Variants in GORAB observed in about 807,000 individuals in gnomAD.
The protein encoded by GORAB is golgin, RAB6 interacting.
A neutral mutation model predicts 29.9 loss-of-function variants in GORAB; 17 were observed. That is an observed-to-expected ratio of 0.57 (90% CI 0.39 to 0.85). The LOEUF (loss-of-function observed/expected upper bound fraction) is 0.85. Ranked by LOEUF, GORAB falls within the 40% of genes least tolerant of loss-of-function variation. The pLI is 0.00. For missense variants in GORAB, 442 were observed against 437.8 expected (o/e 1.01, Z -0.09); for synonymous variants, 183 against 157.2 (o/e 1.16, Z -1.23).
In GORAB at chr1:170,553,589, T is replaced by G. The variant is rs542501839; in HGVS notation, c.*1127T>G. On this transcript the variant is annotated 3_prime_UTR_variant, in exon 5 of 5. Coordinates refer to ENST00000367763, the MANE Select transcript of GORAB (RefSeq NM_152281.3). The stretch of plus-strand genomic sequence containing the variant: ...ATAAGATTGTATCCATAAAAGTTTC[T>G]GAAAAACTTAGGGACATCCTGTTTT... 6.4e-4 allele frequency: 288 copies of G among 451,598 alleles called. No individual in the cohort carries two copies. Among genetic ancestry groups the G allele is most frequent in the African/African-American group, 5.5e-3 (275 of 50,030 alleles). The allele number at this position is 451,598 out of a possible 1,614,324, so 28.0% of individuals were successfully genotyped here.
Position 170,532,219 on chromosome 1 carries a change from G to A in GORAB, c.-5G>A. ...CACTTTTGGGGGTGCCGGTGGCCCGGGCCGATGGCGCAAGGTTGGGCAGGA... is the reference window on the plus strand; with the variant it reads ...CACTTTTGGGGGTGCCGGTGGCCCGAGCCGATGGCGCAAGGTTGGGCAGGA... On this transcript the variant is annotated 5_prime_UTR_variant, in exon 1 of 5. Transcript: ENST00000367763. The A allele has an allele frequency of 6.2e-7, 1 of 1,614,048 alleles. No individual in the cohort carries two copies.
chr1:170,553,085 T>C lies in GORAB; in HGVS notation c.*623T>C. ...AGTGATTTTAGTTTACAACCTGCGT[T>C]TTGTTATTTGAAACACACACACTTA... On this transcript the variant is annotated 3_prime_UTR_variant, in exon 5 of 5. Transcript: ENST00000367763. 2.2e-6 allele frequency: 1 copy of C among 453,676 alleles called. No individual in the cohort carries two copies. The highest frequency in any genetic ancestry group is 6.9e-4 in the Middle Eastern group (1 of 1,444). The allele number at this position is 453,676 out of a possible 1,614,324, so 28.1% of individuals were successfully genotyped here.
intron 1 of GORAB, 95 bp downstream of exon 1, chr1:170,532,379 T>C: frequency 7.3e-7 from 1 of 1,368,370 alleles, no homozygotes; most frequent in Non-Finnish European, 1.0e-6. Flanking sequence ...TGGAAGCGGC[T>C]ACGTTTGTGT....
intron 3 of GORAB, among the ~76,000 whole-genome samples, chr1:170,544,040 T>C (rs986274150): frequency 6.6e-6 from 1 of 152,244 alleles, no homozygotes; most frequent in African/African-American, 2.4e-5. Context: ...GTTGCTTTTT[T>C]ATTTGTTTGT....
chr1:170,551,442 T>C (rs1650095713), intron 4 of GORAB, among the ~76,000 whole-genome samples: 2 of 152,240 alleles, frequency 1.3e-5, no homozygotes, highest in Non-Finnish European at 2.9e-5. Flanking sequence ...ACTGTCCGTA[T>C]CTTTCTCCAT....
At position 170,539,622 on chromosome 1, in the gene GORAB, C is replaced by G. The variant is rs527354116; in HGVS notation, c.419+55C>G. 133 of 1,562,232 alleles carry G rather than the reference C, an allele frequency of 8.5e-5. No homozygotes were observed. In the African/African-American group the frequency reaches 1.6e-3, roughly 19 times the overall value. ...GACTTTTCATTTAACCCGTTTTTTC[C>G]CAATGGGCTTTAAGGAAATATAATT... On this transcript the variant is annotated intron_variant, in intron 2 of 4. Transcript: ENST00000367763.
At position 170,539,526 on chromosome 1, in the gene GORAB, T is replaced by A. The variant is rs545064167; in HGVS notation, c.378T>A (p.Pro126=). ...GTCACAACAATGTTGAGATTCTACC[T>A]CCAAAGCCAGATTGCAAATTGGAGA... ...HDGHNNVEIL[P]PKPDCKLEKK... Residue 126 remains proline (P), a synonymous_variant, in exon 2 of 5, where the codon CCT becomes CCA. Transcript: ENST00000367763. 6.2e-7 allele frequency: 1 copy of A among 1,613,974 alleles called. No individual in the cohort carries two copies. The highest frequency in any genetic ancestry group is 1.1e-5 in the South Asian group (1 of 91,064).
chr1:170,542,694 T>C (rs943687795), intron 3 of GORAB, 102 bp downstream of exon 3: 11 of 819,480 alleles, frequency 1.3e-5, no homozygotes, highest in South Asian at 9.7e-5. Flanking sequence ...TGATATTTTT[T>C]CTTCAACCAT....
intron 1 of GORAB, among the ~76,000 whole-genome samples, chr1:170,537,218 T>G (rs1255302598): frequency 6.6e-6 from 1 of 152,224 alleles, no homozygotes. Context: ...ATTGTGTTAT[T>G]TGCTAAGCCA....
chr1:170,532,725 T>G (rs1445999262), intron 1 of GORAB: 2 of 186,020 alleles, frequency 1.1e-5, no homozygotes, highest in African/African-American at 4.7e-5. Flanking sequence ...AGCACAGGCG[T>G]CTGAATAAAG....
intron 1 of GORAB, 64 bp from the exon 2 acceptor site, chr1:170,539,146 T>C (rs902247084): frequency 6.3e-7 from 1 of 1,583,342 alleles, no homozygotes; most frequent in African/African-American, 1.3e-5. Context: ...TTTTATTTTC[T>C]TAGAGGAATT....
intron 2 of GORAB, among the ~76,000 whole-genome samples, chr1:170,541,060 T>G (rs1649383672): frequency 6.6e-6 from 1 of 151,818 alleles, no homozygotes; most frequent in African/African-American, 2.4e-5. Flanking sequence ...AAAAATTAGC[T>G]GGGCGTGGTG....
intron 3 of GORAB, among the ~76,000 whole-genome samples, chr1:170,544,136 G>GT (rs1310192713): frequency 6.6e-6 from 1 of 152,128 alleles, no homozygotes; most frequent in Non-Finnish European, 1.5e-5. Context: ...GAAAATGAGT[G>GT]TTTTGATGTT....
At position 170,553,795 on chromosome 1, in the gene GORAB, AACAC is replaced by A. The variant is rs1442872109; in HGVS notation, c.*1336_*1339del. ...ATAAAAGCCAACAGTTTCATTGTCT[AACAC>A]ACTTCTTTTTCTAAGGAATAAACAA... is the stretch of plus-strand genomic sequence containing the variant. On this transcript the variant is annotated 3_prime_UTR_variant, in exon 5 of 5. Coordinates refer to ENST00000367763, the MANE Select transcript of GORAB (RefSeq NM_152281.3). 2.2e-6 allele frequency: 1 copy of A among 453,456 alleles called. No individual in the cohort carries two copies. The highest frequency in any genetic ancestry group is 4.4e-6 in the Non-Finnish European group (1 of 226,630). 28.1% of individuals were successfully genotyped at this position (453,456 alleles called of 1,614,324 possible).
At chr1:170,538,826 C>T (rs991292937) in intron 1 of GORAB, among the ~76,000 whole-genome samples, 3 of 152,200 alleles carry the variant, frequency 2.0e-5, no homozygotes, top group African/African-American at 7.2e-5. Flanking sequence ...GTAGAGCAGA[C>T]AGAACCATAA....
At chr1:170,540,203 T>G (rs1031496451) in intron 2 of GORAB, among the ~76,000 whole-genome samples, 2 of 152,130 alleles carry the variant, frequency 1.3e-5, no homozygotes, top group Non-Finnish European at 2.9e-5. Context: ...ATAACTCAGT[T>G]CATCATTAGA....
In GORAB at chr1:170,553,618, A is replaced by T. The variant is rs763996087; in HGVS notation, c.*1156A>T. 2.9e-5 allele frequency: 13 copies of T among 452,854 alleles called. No individual in the cohort carries two copies. The highest frequency in any genetic ancestry group is 2.6e-4 in the African/African-American group (13 of 49,966). The allele number at this position is 452,854 out of a possible 1,614,324, so 28.1% of individuals were successfully genotyped here. A position where few individuals can be genotyped will look rare whatever the true frequency, so the allele number is the denominator to read the frequency against. On this transcript the variant is annotated 3_prime_UTR_variant, in exon 5 of 5. Transcript: ENST00000367763. ...AAACTTAGGGACATCCTGTTTTTAA[A>T]TGGGTTTGTTTGAGGGTATTATCTT...
intron 4 of GORAB, among the ~76,000 whole-genome samples, chr1:170,549,211 C>T (rs969199763): frequency 2.0e-5 from 3 of 152,162 alleles, no homozygotes; most frequent in Non-Finnish European, 4.4e-5. Flanking sequence ...CTCTGTCTTA[C>T]TGTGTTATGT....
chr1:170,544,747 C>A lies in GORAB; in HGVS notation c.564C>A (p.Ile188=), dbSNP rs774619703. ...TQAETMKLKR[I]QKELQALDDM... is the part of the protein sequence containing the mutation. ...CAGAGACCATGAAACTAAAGCGGAT[C>A]CAGAAGGAGTTGCAGGCTTTAGATG... The change falls in exon 4 of 5, where the codon ATC becomes ATA. Residue 188 remains isoleucine, a synonymous_variant. Coordinates refer to ENST00000367763, the MANE Select transcript of GORAB (RefSeq NM_152281.3). The A allele has an allele frequency of 1.2e-6, 2 of 1,613,914 alleles. No individual in the cohort carries two copies. Among genetic ancestry groups the A allele is most frequent in the Admixed American group, 3.3e-5 (2 of 60,012 alleles).
Sources: gnomAD v4.1 joint callset for allele counts (sites outside exome capture counted in the v4.1 genomes callset) on GRCh38, gnomAD v4.1.1 for gene constraint, MANE v1.5 for transcripts, NCBI Gene and HGNC (gene_info 2026-07-23, HGNC 2026-07-21) for gene names.